The following NPRL3 variants were observed in gnomAD, a reference collection of about 807,000 sequenced individuals.
NPRL3 encodes NPR3 like, GATOR1 complex subunit.
NPRL3 carries 23 observed loss-of-function variants against 57.2 expected under a neutral mutation model. The observed-to-expected ratio is 0.40, with a 90% CI of 0.29 to 0.57. The LOEUF is 0.57. Ranked by LOEUF, NPRL3 falls within the 20% of genes least tolerant of loss-of-function variation. NPRL3 has a pLI of 0.42. For synonymous variants in NPRL3, 333 were observed against 321.1 expected (o/e 1.04, Z -0.39); for missense variants, 691 against 767.1 (o/e 0.90, Z 1.17).
rs375305549 is a variant in NPRL3, at chr16:88,710, C to T, written c.1532G>A (p.Arg511His). The change falls in exon 13 of 14, where the codon CGC becomes CAC. Residue 511 changes from arginine to histidine, a missense_variant. By Grantham distance (29) the Arg-to-His change is conservative. Transcript: ENST00000611875. ...AACCTACACCCACCTGGCAAACATG[C>T]GGAGGTCCTCAGGGTTCTGGGCTGC... Reference protein sequence around the residue: ...VPAAQNPEDLRMFARLLHYFR... With the variant: ...VPAAQNPEDLHMFARLLHYFR... 1.9e-5 allele frequency: 31 copies of T among 1,609,666 alleles called. No homozygotes were observed. Among genetic ancestry groups the T allele is most frequent in the Middle Eastern group, 1.7e-4 (1 of 6,046 alleles).
At chr16:89,068 C>T (rs1051864533) in intron 12 of NPRL3, 178 bp from the exon 13 acceptor site, 27 of 625,282 alleles carry the variant, frequency 4.3e-5, no homozygotes, top group South Asian at 7.9e-5. Context: ...GCCCCTCATA[C>T]GGCTGACTTG....
rs743725 is a variant in NPRL3, at chr16:86,889, T to C, written c.1545-19A>G. 1,294,879 of 1,606,368 alleles carry C rather than the reference T, an allele frequency of 0.81. 524,519 individuals are homozygous for C. The highest frequency in any genetic ancestry group is 0.86 in the Admixed American group (51,393 of 59,516). Reference sequence around the variant, plus strand: ...AAGGAGCCTGGAAGGGATGGGTGGGTGTGAGCCCAACCTGACACCAGCCCC... The same window carrying C: ...AAGGAGCCTGGAAGGGATGGGTGGGCGTGAGCCCAACCTGACACCAGCCCC... On this transcript the variant is annotated intron_variant, in intron 13 of 13. Coordinates refer to ENST00000611875, the MANE Select transcript of NPRL3 (RefSeq NM_001077350.3).
At chr16:128,054 T>C (rs1054692326) in intron 3 of NPRL3, among the ~76,000 whole-genome samples, 2 of 149,666 alleles carry the variant, frequency 1.3e-5, no homozygotes, top group African/African-American at 2.5e-5. Context: ...TGCAGTGGCG[T>C]GATCTCAGCT....
chr16:100,968 C>A (rs1436876152), intron 7 of NPRL3, among the ~76,000 whole-genome samples: 1 of 2,082 alleles, frequency 4.8e-4, no homozygotes, highest in Non-Finnish European at 9.2e-4. Flanking sequence ...AAGACTCTGT[C>A]TCAAAAAAAA....
chr16:112,587 C>G, intron 6 of NPRL3, 35 bp downstream of exon 6: 1 of 1,501,056 alleles, frequency 6.7e-7, no homozygotes, highest in Non-Finnish European at 9.0e-7. Flanking sequence ...ACCAGCCAGC[C>G]CAGACCCATG....
At chr16:112,942 C>T (rs1899880724) in intron 5 of NPRL3, among the ~76,000 whole-genome samples, 167 bp from the exon 6 acceptor site, 1 of 152,232 alleles carries the variant, frequency 6.6e-6, no homozygotes, top group Non-Finnish European at 1.5e-5. Context: ...CTGCTCATTT[C>T]CTGAGTCCCC....
intron 3 of NPRL3, among the ~76,000 whole-genome samples, chr16:127,524 C>T (rs1020367781): frequency 3.8e-4 from 58 of 151,990 alleles, no homozygotes; most frequent in African/African-American, 9.6e-4. Context: ...CATGAGCTAC[C>T]GCTCCCGGCC....
chr16:100,521 G>A lies in NPRL3; in HGVS notation c.630-12C>T. ...CCGACGTGCACAGGCTGCAGAGAGT[G>A]GGCGCTGTTACCCGTTCACATAAAC... On this transcript the variant is annotated splice_polypyrimidine_tract_variant and intron_variant, in intron 7 of 13. Transcript: ENST00000611875. 6.5e-7 allele frequency: 1 copy of A among 1,547,398 alleles called. No individual in the cohort carries two copies.
intron 2 of NPRL3, among the ~76,000 whole-genome samples, chr16:134,691 ATTATTTTTT>A: frequency 9.2e-6 from 1 of 108,552 alleles, no homozygotes; most frequent in Non-Finnish European, 1.9e-5. Flanking sequence ...AGTAATTATT[ATTATTTTTT>A]TTTTTTTTTT....
Position 96,206 on chromosome 16 carries a change from G to A in NPRL3, c.924+1939C>T, listed in dbSNP as rs919563193. ...CACAAACTCCTGCCAGACAACCTCAGAAGAGGGCATCAAAGCTTTGTCCAA... is the reference window on the plus strand; with the variant it reads ...CACAAACTCCTGCCAGACAACCTCAAAAGAGGGCATCAAAGCTTTGTCCAA... On this transcript the variant is annotated intron_variant, in intron 9 of 13. Transcript: ENST00000611875. Among the ~76,000 whole-genome samples, 4 of 152,152 alleles carry A rather than the reference G, an allele frequency of 2.6e-5. No individual in the cohort carries two copies. In the East Asian group the frequency reaches 7.7e-4, roughly 29 times the overall value.
intron 5 of NPRL3, among the ~76,000 whole-genome samples, chr16:114,747 G>A (rs1435349925): frequency 6.6e-6 from 1 of 152,116 alleles, no homozygotes; most frequent in Non-Finnish European, 1.5e-5. Context: ...TTTTTCAGAT[G>A]TACAAAGGGT....
chr16:87,539 C>CTTT (rs35209663), intron 13 of NPRL3, among the ~76,000 whole-genome samples: 4 of 145,668 alleles, frequency 2.7e-5, no homozygotes, highest in Admixed American at 6.8e-5. Context: ...GCCCAGCCTG[C>CTTT]TTTTTTTTTT....
intron 7 of NPRL3, among the ~76,000 whole-genome samples, chr16:103,642 T>G (rs2141932556): frequency 6.6e-6 from 1 of 152,196 alleles, no homozygotes; most frequent in South Asian, 2.1e-4. Flanking sequence ...GAAAATAACT[T>G]GGCTGCTCTG....
At chr16:91,938 G>C (rs972801449) in intron 11 of NPRL3, among the ~76,000 whole-genome samples, 1 of 152,164 alleles carries the variant, frequency 6.6e-6, no homozygotes, top group Non-Finnish European at 1.5e-5. Flanking sequence ...AGCCCACAGG[G>C]GAAGCCACTG....
intron 3 of NPRL3, among the ~76,000 whole-genome samples, chr16:121,607 G>A (rs1019672535): frequency 2.2e-5 from 3 of 136,264 alleles, no homozygotes; most frequent in African/African-American, 5.2e-5. Flanking sequence ...GTGACAGAGC[G>A]AAACTCCGTC....
At chr16:113,648 G>A (rs1406338907) in intron 5 of NPRL3, among the ~76,000 whole-genome samples, 1 of 152,198 alleles carries the variant, frequency 6.6e-6, no homozygotes, top group African/African-American at 2.4e-5. Flanking sequence ...GAGGCCAACA[G>A]GACTGCTGAG....
chr16:132,008 C>CTT (rs61664945), intron 2 of NPRL3, among the ~76,000 whole-genome samples: 10,079 of 144,902 alleles, frequency 0.07, 665 homozygotes, highest in African/African-American at 0.17. Flanking sequence ...TTCTTTCTTT[C>CTT]TTTTTTTTTT....
intron 8 of NPRL3, among the ~76,000 whole-genome samples, chr16:99,959 C>CAAAAAAAAAAAAAAAAAA (rs11304941): frequency 9.0e-4 from 55 of 60,860 alleles, no homozygotes; most frequent in Non-Finnish European, 1.2e-3. Context: ...CACACCCCCG[C>CAAAAAAAAAAAAAAAAAA]AAAAAAAAAA....
intron 4 of NPRL3, among the ~76,000 whole-genome samples, chr16:118,160 A>G (rs1231288128): frequency 1.3e-5 from 2 of 152,210 alleles, no homozygotes; most frequent in Non-Finnish European, 2.9e-5. Context: ...AGGTTCACGA[A>G]TAACACCACA....
Sources: allele counts gnomAD v4.1 joint callset (sites outside exome capture counted in the v4.1 genomes callset), GRCh38; gene constraint gnomAD v4.1.1; transcripts MANE v1.5; gene names NCBI Gene and HGNC (gene_info 2026-07-23, HGNC 2026-07-21).